The following ANO1 variants were observed in gnomAD, a reference collection of about 807,000 sequenced individuals.
ANO1 encodes anoctamin-1.
Under a neutral mutation model 124.0 loss-of-function variants are expected in ANO1, and 59 were observed. That is an observed-to-expected ratio of 0.48 (90% CI 0.39 to 0.59). ANO1 has a LOEUF of 0.59. Among genes scored for constraint, ANO1 ranks in the 20% least tolerant of loss-of-function variants. The pLI is 0.00. For missense variants in ANO1, 1,059 were observed against 1,328.0 expected (o/e 0.80, Z 3.15); for synonymous variants, 529 against 532.0 (o/e 0.99, Z 0.08).
intron 1 of ANO1, among the ~76,000 whole-genome samples, chr11:70,026,381 A>T (rs551943336): frequency 8.7e-5 from 13 of 150,024 alleles, no homozygotes; most frequent in African/African-American, 3.2e-4. Flanking sequence ...GATGACAATG[A>T]TGATGATAAA....
At chr11:70,044,500 C>T (rs539561177) in intron 1 of ANO1, among the ~76,000 whole-genome samples, 26 of 152,166 alleles carry the variant, frequency 1.7e-4, no homozygotes, top group African/African-American at 5.8e-4. Context: ...AATGATAGTA[C>T]TTGATTGTAA....
At chr11:70,103,952 G>A (rs1437514806) in intron 3 of ANO1, 47 bp from the exon 4 acceptor site, 1 of 1,585,192 alleles carries the variant, frequency 6.3e-7, no homozygotes, top group Non-Finnish European at 8.6e-7. Flanking sequence ...CACGGATCAT[G>A]GTCCAGCAGG....
intron 1 of ANO1, among the ~76,000 whole-genome samples, chr11:70,047,633 C>A (rs1218894874): frequency 6.6e-6 from 1 of 152,180 alleles, no homozygotes; most frequent in Non-Finnish European, 1.5e-5. Context: ...ATTTTCTGTA[C>A]AATGGTTTGA....
At chr11:70,119,804 T>C (rs565157026) in intron 8 of ANO1, among the ~76,000 whole-genome samples, 1 of 150,482 alleles carries the variant, frequency 6.6e-6, no homozygotes, top group South Asian at 2.1e-4. Flanking sequence ...GGTAGGTGAA[T>C]AGATGGATGC....
intron 22 of ANO1, among the ~76,000 whole-genome samples, chr11:70,172,200 T>A (rs555510719): frequency 1.8e-4 from 27 of 151,722 alleles, no homozygotes; most frequent in Admixed American, 9.8e-4. Context: ...AGAGCAGACT[T>A]CCTTGTGGAT....
intron 7 of ANO1, among the ~76,000 whole-genome samples, chr11:70,114,989 G>A (rs956273804): frequency 5.3e-5 from 8 of 152,252 alleles, no homozygotes; most frequent in East Asian, 1.9e-4. Flanking sequence ...CCTGACTAAC[G>A]AGGTCACCAG....
At chr11:70,170,832 C>T in intron 21 of ANO1, 55 bp from the exon 22 acceptor site, 1 of 1,559,852 alleles carries the variant, frequency 6.4e-7, no homozygotes, top group South Asian at 1.2e-5. Context: ...GGTGGAGTCC[C>T]CCCTTATGGG....
chr11:70,170,788 G>A (rs914309840), intron 21 of ANO1, 99 bp from the exon 22 acceptor site: 49 of 1,448,596 alleles, frequency 3.4e-5, no homozygotes, highest in South Asian at 4.1e-5. Flanking sequence ...GAGGTGGGGC[G>A]GCAGCCAGAC....
chr11:70,168,487 T>TC (rs1320667184), intron 21 of ANO1, among the ~76,000 whole-genome samples: 2 of 151,602 alleles, frequency 1.3e-5, no homozygotes, highest in African/African-American at 4.9e-5. Flanking sequence ...CTCTTCTGTC[T>TC]CCCCCCGGTA....
At chr11:70,059,200 A>C (rs547445020) in intron 1 of ANO1, among the ~76,000 whole-genome samples, 13 of 151,758 alleles carry the variant, frequency 8.6e-5, no homozygotes, top group African/African-American at 2.9e-4. Flanking sequence ...TCAAAAAAAA[A>C]ACTAGCCAGG....
At chr11:70,174,428 T>C (rs1590924928) in intron 22 of ANO1, among the ~76,000 whole-genome samples, 2 of 152,170 alleles carry the variant, frequency 1.3e-5, no homozygotes, top group African/African-American at 2.4e-5. Context: ...TTTTAGCTTT[T>C]AGGGACAAGT....
chr11:69,982,954 G>A (rs1236787691), upstream of ANO1, among the ~76,000 whole-genome samples: 1 of 152,162 alleles, frequency 6.6e-6, no homozygotes, highest in African/African-American at 2.4e-5. Context: ...CAGGGTGTAC[G>A]TGACAATCTA....
intron 1 of ANO1, among the ~76,000 whole-genome samples, chr11:70,067,499 T>C (rs1324328179): frequency 6.6e-6 from 1 of 152,162 alleles, no homozygotes; most frequent in African/African-American, 2.4e-5. Context: ...GGCTAATTTT[T>C]GTATTTTTAG....
chr11:70,076,399 A>C (rs2044057384), upstream of ANO1, among the ~76,000 whole-genome samples: 1 of 151,474 alleles, frequency 6.6e-6, no homozygotes. Flanking sequence ...TGGGAGCACC[A>C]GTGTGTCCAG....
upstream of ANO1, among the ~76,000 whole-genome samples, chr11:69,981,166 T>C (rs1288849112): frequency 6.6e-6 from 1 of 152,208 alleles, no homozygotes; most frequent in South Asian, 2.1e-4. Flanking sequence ...ACCAGGGACA[T>C]GGAGCTTGGA....
At chr11:70,041,232 C>T (rs1460973869) in intron 1 of ANO1, among the ~76,000 whole-genome samples, 1 of 152,156 alleles carries the variant, frequency 6.6e-6, no homozygotes, top group Non-Finnish European at 1.5e-5. Context: ...CTTGTGAGTG[C>T]TATTTGGCAG....
chr11:70,066,954 A>T (rs563224745), intron 1 of ANO1, among the ~76,000 whole-genome samples: 1 of 152,320 alleles, frequency 6.6e-6, no homozygotes, highest in Admixed American at 6.5e-5. Context: ...AACTTGAAAA[A>T]GCAGCCCCCC....
rs148142813 is a variant in ANO1, at chr11:70,106,779, G to A, written c.747+991G>A. Among the ~76,000 whole-genome samples the A allele has an allele frequency of 6.2e-4, 95 of 152,346 alleles. No homozygotes were observed. In the East Asian group the frequency reaches 0.017, roughly 28 times the overall value. On this transcript the variant is annotated intron_variant, in intron 5 of 25. Coordinates refer to ENST00000355303, the MANE Select transcript of ANO1 (RefSeq NM_018043.7). ...TAGGCAAAGCCGTGGAGAACTGACAGCCCTTCCCCACTCCTCTCCTCCACA... is the reference window on the plus strand; with the variant it reads ...TAGGCAAAGCCGTGGAGAACTGACAACCCTTCCCCACTCCTCTCCTCCACA...
At chr11:70,011,496 C>T (rs1357812721) in intron 1 of ANO1, among the ~76,000 whole-genome samples, 1 of 152,172 alleles carries the variant, frequency 6.6e-6, no homozygotes, top group East Asian at 1.9e-4. Context: ...TCACATCACC[C>T]ACTCTGGTAC....
Sources: gnomAD v4.1 joint callset for allele counts (sites outside exome capture counted in the v4.1 genomes callset) on GRCh38, gnomAD v4.1.1 for gene constraint, MANE v1.5 for transcripts, NCBI Gene and HGNC (gene_info 2026-07-23, HGNC 2026-07-21) for gene names.